LPGAT1: variants seen among roughly 807,000 people sequenced by gnomAD.
LPGAT1 encodes the protein lysophosphatidylglycerol acyltransferase 1.
In LPGAT1, 11 loss-of-function variants were observed where a neutral mutation model predicts 47.5. The ratio of observed to expected loss-of-function variants is 0.23; its 90% CI spans 0.15 to 0.38. The LOEUF is 0.38. Among genes scored for constraint, LPGAT1 ranks in the 10% least tolerant of loss-of-function variants. The pLI, the probability that LPGAT1 is intolerant of heterozygous loss-of-function variation, is 1.00. For synonymous variants in LPGAT1, 138 were observed against 144.2 expected (o/e 0.96, Z 0.31); for missense variants, 293 against 439.0 (o/e 0.67, Z 2.97).
chr1:211,799,054 A>G (rs1659466499), intron 2 of LPGAT1, among the ~76,000 whole-genome samples: 1 of 152,142 alleles, frequency 6.6e-6, no homozygotes, highest in South Asian at 2.1e-4. Context: ...CTCCTAATAC[A>G]TACTTCTAAA....
Position 211,829,114 on chromosome 1 carries a change from C to G in LPGAT1, c.183G>C (p.Met61Ile). ...SKRFWYIEGI[M>I]YKWLLGMVAS... The stretch of plus-strand genomic sequence containing the variant: ...CTACCATTCCTAAAAGCCATTTATA[C>G]ATGATTCCTTCGATATACCAGAACC... The change falls in exon 2 of 8, where the codon ATG (methionine) becomes ATC (isoleucine). Residue 61 changes from methionine to isoleucine, a missense_variant. By Grantham distance (10) the Met-to-Ile change is conservative. Coordinates refer to ENST00000366997, the MANE Select transcript of LPGAT1 (RefSeq NM_014873.3). 1 of 1,614,152 alleles carries G rather than the reference C, an allele frequency of 6.2e-7. No individual in the cohort carries two copies. Among genetic ancestry groups the G allele is most frequent in the Non-Finnish European group, 8.5e-7 (1 of 1,180,024 alleles).
chr1:211,778,827 CTGTGTGAT>C, intron 6 of LPGAT1, 83 bp downstream of exon 6: 1 of 1,048,144 alleles, frequency 9.5e-7, no homozygotes, highest in Non-Finnish European at 1.3e-6. Flanking sequence ...ACTATTTCTA[CTGTGTGAT>C]TAAAAACTAA....
chr1:211,784,914 C>A (rs1056304854), intron 4 of LPGAT1, among the ~76,000 whole-genome samples: 9 of 151,810 alleles, frequency 5.9e-5, no homozygotes, highest in East Asian at 1.9e-4. Flanking sequence ...CGCCATTCTC[C>A]TGCCTCAGCC....
chr1:211,819,953 C>A (rs1660310919), intron 2 of LPGAT1, among the ~76,000 whole-genome samples: 1 of 152,058 alleles, frequency 6.6e-6, no homozygotes, highest in African/African-American at 2.4e-5. Context: ...CCACTACACT[C>A]CAGCCTGAGC....
At chr1:211,775,931 CAAAAAAAA>C (rs201006748) in intron 6 of LPGAT1, among the ~76,000 whole-genome samples, 1 of 77,266 alleles carries the variant, frequency 1.3e-5, no homozygotes, top group Non-Finnish European at 2.7e-5. Flanking sequence ...AATGCCATCT[CAAAAAAAA>C]AAAAAAAAAA....
intron 6 of LPGAT1, among the ~76,000 whole-genome samples, chr1:211,777,881 C>T (rs1482247473): frequency 6.6e-6 from 1 of 152,100 alleles, no homozygotes; most frequent in African/African-American, 2.4e-5. Flanking sequence ...GTCATAAAGA[C>T]CTTGCTAATA....
At position 211,783,479 on chromosome 1, in the gene LPGAT1, C is replaced by T. The variant is rs1221077692; in HGVS notation, c.477G>A (p.Gln159=). ...IRQGRSYRDQ[Q]LLLLKKHLEN... ...CTAAGTGCTTCTTGAGAAGCAGCAG[C>T]TGTTGGTCACGATAAGATCTTCCCT... Residue 159 remains glutamine, a synonymous_variant, in exon 5 of 8, where the codon CAG becomes CAA. Coordinates refer to ENST00000366997, the MANE Select transcript of LPGAT1 (RefSeq NM_014873.3). 1 of 1,613,672 alleles carries T rather than the reference C, an allele frequency of 6.2e-7. No individual in the cohort carries two copies. Among genetic ancestry groups the T allele is most frequent in the Non-Finnish European group, 8.5e-7 (1 of 1,179,830 alleles).
chr1:211,786,350 G>C (rs917481298), intron 4 of LPGAT1, among the ~76,000 whole-genome samples: 1 of 152,020 alleles, frequency 6.6e-6, no homozygotes, highest in Non-Finnish European at 1.5e-5. Context: ...CTTGGAAAAG[G>C]CTTAATTAGA....
intron 6 of LPGAT1, among the ~76,000 whole-genome samples, chr1:211,774,934 A>C (rs752983971): frequency 6.6e-6 from 1 of 152,202 alleles, no homozygotes; most frequent in African/African-American, 2.4e-5. Flanking sequence ...CATTCTGGCA[A>C]TCTAGATATT....
At chr1:211,786,955 T>C (rs1002032239) in intron 4 of LPGAT1, among the ~76,000 whole-genome samples, 3 of 152,024 alleles carry the variant, frequency 2.0e-5, no homozygotes, top group East Asian at 1.9e-4. Flanking sequence ...ACAACAACCA[T>C]TGTGGGGGAT....
In LPGAT1 at chr1:211,763,798, G is replaced by A. The variant is rs115877543; in HGVS notation, c.855-12731C>T. Among the ~76,000 whole-genome samples, 538 of 152,122 alleles carry A rather than the reference G, an allele frequency of 3.5e-3. 1 individual carries two copies. Among genetic ancestry groups the A allele is most frequent in the African/African-American group, 0.012 (479 of 41,478 alleles). On this transcript the variant is annotated intron_variant, in intron 6 of 7. Coordinates refer to ENST00000366997, the MANE Select transcript of LPGAT1 (RefSeq NM_014873.3). ...AATTTATTTGTTGGTTTCCTACTAC[G>A]GCAGGTAAGAATTTGACTATCTTAA...
intron 2 of LPGAT1, among the ~76,000 whole-genome samples, chr1:211,822,033 G>A (rs1004901958): frequency 1.3e-5 from 2 of 152,114 alleles, no homozygotes; most frequent in East Asian, 1.9e-4. Context: ...CTGTATACTA[G>A]AGACACATCT....
chr1:211,822,391 G>C (rs906647337), intron 2 of LPGAT1, among the ~76,000 whole-genome samples: 1 of 152,068 alleles, frequency 6.6e-6, no homozygotes, highest in Admixed American at 6.6e-5. Flanking sequence ...CTACCACAGG[G>C]ATGGAGAAGA....
chr1:211,790,971 T>C (rs1659087395), intron 3 of LPGAT1, among the ~76,000 whole-genome samples: 1 of 152,174 alleles, frequency 6.6e-6, no homozygotes, highest in Admixed American at 6.5e-5. Context: ...AGATTCTCTT[T>C]TATAGAAAGC....
intron 6 of LPGAT1, among the ~76,000 whole-genome samples, chr1:211,766,849 T>C (rs929240422): frequency 6.6e-6 from 1 of 152,246 alleles, no homozygotes; most frequent in Non-Finnish European, 1.5e-5. Context: ...TGAAGTTAAC[T>C]ACCTTAAGTC....
chr1:211,821,199 T>G (rs1446687705), intron 2 of LPGAT1, among the ~76,000 whole-genome samples: 2 of 152,162 alleles, frequency 1.3e-5, no homozygotes, highest in Non-Finnish European at 2.9e-5. Flanking sequence ...GAGGTTGCAG[T>G]GAGCTGAGAA....
chr1:211,793,232 T>G (rs758258140), intron 2 of LPGAT1, 42 bp from the exon 3 acceptor site: 1 of 1,289,572 alleles, frequency 7.8e-7, no homozygotes, highest in Non-Finnish European at 1.1e-6. Context: ...TTTTAAAGAT[T>G]TTTATATTAT....
chr1:211,802,357 T>C (rs547886158), intron 2 of LPGAT1, among the ~76,000 whole-genome samples: 23 of 151,610 alleles, frequency 1.5e-4, no homozygotes, highest in Non-Finnish European at 3.2e-4. Flanking sequence ...GCCGGAGACC[T>C]GAAAAAGGCT....
chr1:211,777,837 A>G (rs1157372062), intron 6 of LPGAT1, among the ~76,000 whole-genome samples: 1 of 152,210 alleles, frequency 6.6e-6, no homozygotes, highest in African/African-American at 2.4e-5. Flanking sequence ...ATTCTAAGTC[A>G]CAGGATGAGA....
Sources: allele counts gnomAD v4.1 joint callset (sites outside exome capture counted in the v4.1 genomes callset), GRCh38; gene constraint gnomAD v4.1.1; transcripts MANE v1.5; gene names NCBI Gene and HGNC (gene_info 2026-07-23, HGNC 2026-07-21).